The following HDAC9 variants were observed in gnomAD, a reference collection of about 807,000 sequenced individuals.
HDAC9 encodes histone deacetylase 9.
HDAC9 carries 41 observed loss-of-function variants against 139.4 expected under a neutral mutation model. The observed-to-expected ratio is 0.29, with a 90% CI of 0.23 to 0.38. The LOEUF (loss-of-function observed/expected upper bound fraction) is 0.38, where lower values mean the gene tolerates loss of function less well. Ranked by LOEUF, HDAC9 falls within the 10% of genes least tolerant of loss-of-function variation. HDAC9 has a pLI of 1.00. For synonymous variants in HDAC9, 517 were observed against 476.2 expected (o/e 1.09, Z -1.12); for missense variants, 1,147 against 1,297.0 (o/e 0.88, Z 1.78).
At chr7:18,513,647 G>A (rs958279418) in intron 2 of HDAC9, among the ~76,000 whole-genome samples, 43 of 152,138 alleles carry the variant, frequency 2.8e-4, no homozygotes, top group Admixed American at 1.4e-3. Flanking sequence ...CAATAGAGAG[G>A]ATTTTCAGGA....
At chr7:18,744,649 G>A (rs1333347545) in intron 13 of HDAC9, among the ~76,000 whole-genome samples, 1 of 151,938 alleles carries the variant, frequency 6.6e-6, no homozygotes, top group Non-Finnish European at 1.5e-5. Context: ...CAGACTAATA[G>A]GTCTTACTAG....
intron 16 of HDAC9, among the ~76,000 whole-genome samples, chr7:18,786,485 T>TCTTCCTTC (rs143616708): frequency 7.8e-6 from 1 of 128,478 alleles, no homozygotes; most frequent in African/African-American, 3.7e-5. Context: ...TTCCTTCCTT[T>TCTTCCTTC]CTTCCTTCCT....
intron 1 of HDAC9, among the ~76,000 whole-genome samples, chr7:18,385,551 C>T (rs1305798860): frequency 6.6e-6 from 1 of 152,130 alleles, no homozygotes; most frequent in Non-Finnish European, 1.5e-5. Context: ...CCTTCCTCTT[C>T]TGTTGACAGG....
At chr7:18,434,313 C>A (rs983097657) in intron 1 of HDAC9, among the ~76,000 whole-genome samples, 8 of 152,150 alleles carry the variant, frequency 5.3e-5, no homozygotes, top group African/African-American at 1.9e-4. Flanking sequence ...AGAAGAAAAC[C>A]TAGGAAATAC....
At chr7:18,361,757 A>G (rs1783795114) in intron 1 of HDAC9, among the ~76,000 whole-genome samples, 2 of 152,162 alleles carry the variant, frequency 1.3e-5, no homozygotes, top group Non-Finnish European at 2.9e-5. Context: ...GTAATTTTCC[A>G]AATTGTCCAT....
intron 25 of HDAC9, among the ~76,000 whole-genome samples, chr7:18,991,436 G>A (rs4721737): frequency 0.92 from 140,177 of 152,158 alleles, 64,735 homozygotes; most frequent in East Asian, 1. Context: ...GTCAGATCAA[G>A]ACCATCCTGG....
chr7:18,697,194 T>A (rs17139681), intron 12 of HDAC9, among the ~76,000 whole-genome samples: 5,637 of 152,186 alleles, frequency 0.037, 181 homozygotes, highest in Non-Finnish European at 0.056. Context: ...TGGATGAGCT[T>A]CTCTAGGATC....
chr7:18,896,472 C>A (rs533776260), intron 22 of HDAC9, among the ~76,000 whole-genome samples: 1 of 151,990 alleles, frequency 6.6e-6, no homozygotes, highest in Non-Finnish European at 1.5e-5. Context: ...CATAACTAAC[C>A]AGAGAATTCA....
intron 2 of HDAC9, among the ~76,000 whole-genome samples, chr7:18,220,409 T>C (rs1792617261): frequency 6.6e-6 from 1 of 152,114 alleles, no homozygotes; most frequent in Non-Finnish European, 1.5e-5. Flanking sequence ...AACCCATAGA[T>C]GTGATGAATT....
At chr7:18,264,402 A>T (rs1202811497) in intron 2 of HDAC9, among the ~76,000 whole-genome samples, 7 of 152,242 alleles carry the variant, frequency 4.6e-5, no homozygotes, top group African/African-American at 1.7e-4. Flanking sequence ...GGAATTAAAC[A>T]ATATACTCCC....
At chr7:18,141,717 A>G (rs999571779) in intron 1 of HDAC9, among the ~76,000 whole-genome samples, 28 of 152,112 alleles carry the variant, frequency 1.8e-4, no homozygotes, top group African/African-American at 6.5e-4. Flanking sequence ...TCATTTCCAC[A>G]TGTCTGTTAT....
intron 22 of HDAC9, among the ~76,000 whole-genome samples, chr7:18,892,399 A>AT: frequency 6.6e-6 from 1 of 152,234 alleles, no homozygotes. Flanking sequence ...AAACTAAAGC[A>AT]TAAAAAAGAT....
intron 22 of HDAC9, among the ~76,000 whole-genome samples, chr7:18,917,826 A>G (rs1392523410): frequency 2.0e-5 from 3 of 152,032 alleles, no homozygotes; most frequent in African/African-American, 4.8e-5. Flanking sequence ...TCAGGCCCCC[A>G]AATCTATGCT....
At chr7:18,533,283 C>T (rs1380903416) in intron 2 of HDAC9, among the ~76,000 whole-genome samples, 1 of 152,198 alleles carries the variant, frequency 6.6e-6, no homozygotes, top group Non-Finnish European at 1.5e-5. Flanking sequence ...CTATTGGGAA[C>T]TAATTGCTTT....
At chr7:18,630,551 A>T (rs1018053215) in intron 7 of HDAC9, among the ~76,000 whole-genome samples, 1 of 152,116 alleles carries the variant, frequency 6.6e-6, no homozygotes, top group Non-Finnish European at 1.5e-5. Context: ...TTAGTCTCCT[A>T]TTCAATCTGG....
intron 1 of HDAC9, among the ~76,000 whole-genome samples, chr7:18,376,378 C>T (rs895110018): frequency 1.3e-5 from 2 of 152,112 alleles, no homozygotes; most frequent in Admixed American, 1.3e-4. Flanking sequence ...ACTAAACTTG[C>T]CCTGATGCCA....
chr7:18,095,390 T>G (rs150825047), intron 1 of HDAC9, among the ~76,000 whole-genome samples: 1 of 152,338 alleles, frequency 6.6e-6, no homozygotes, highest in East Asian at 1.9e-4. Flanking sequence ...GCATTTTTAT[T>G]ACCCCAAACA....
intron 22 of HDAC9, among the ~76,000 whole-genome samples, chr7:18,885,219 G>T (rs1800048022): frequency 6.6e-6 from 1 of 152,196 alleles, no homozygotes; most frequent in Admixed American, 6.5e-5. Flanking sequence ...TGGGCCATCA[G>T]AATTATCCCA....
intron 2 of HDAC9, among the ~76,000 whole-genome samples, chr7:18,226,025 A>G (rs1481301669): frequency 6.6e-6 from 1 of 152,196 alleles, no homozygotes; most frequent in Non-Finnish European, 1.5e-5. Flanking sequence ...TCATTAACCC[A>G]TTATTCCATC....
Sources: allele counts gnomAD v4.1 joint callset (sites outside exome capture counted in the v4.1 genomes callset), GRCh38; gene constraint gnomAD v4.1.1; transcripts MANE v1.5; gene names NCBI Gene and HGNC (gene_info 2026-07-23, HGNC 2026-07-21).